PRKN: variants seen among roughly 807,000 people sequenced by gnomAD.
The protein encoded by PRKN is E3 ubiquitin-protein ligase parkin.
Under a neutral mutation model 59.5 loss-of-function variants are expected in PRKN, and 56 were observed. That is an observed-to-expected ratio of 0.94 (90% CI 0.76 to 1.18). The LOEUF is 1.18. PRKN is among the 50% of genes most tolerant of loss of function. The pLI is 0.00. For synonymous variants in PRKN, 250 were observed against 222.1 expected (o/e 1.13, Z -1.12); for missense variants, 657 against 596.4 (o/e 1.10, Z -1.06).
chr6:162,352,490 A>G (rs1784664872), intron 2 of PRKN, among the ~76,000 whole-genome samples: 1 of 152,160 alleles, frequency 6.6e-6, no homozygotes, highest in South Asian at 2.1e-4. Context: ...TACGTGGCAA[A>G]AAATCTGGTC....
rs551586712 is a variant in PRKN at position 162,073,605 on chromosome 6, C to A, written c.535-19431G>T. Among the ~76,000 whole-genome samples the A allele has an allele frequency of 1.1e-4, 17 of 152,290 alleles. No individual in the cohort carries two copies. The South Asian group carries it at 3.5e-3, about 32-fold the overall frequency. On this transcript the variant is annotated intron_variant, in intron 4 of 11. Transcript: ENST00000366898. ...TAGCTGGGACTCCAGACGTGCATCA[C>A]CACACCCGGTTAATTTTTATACTTT...
intron 7 of PRKN, among the ~76,000 whole-genome samples, chr6:161,571,237 A>G (rs370513892): frequency 6.6e-5 from 10 of 152,204 alleles, no homozygotes; most frequent in East Asian, 5.8e-4. Context: ...GAGCCACTGT[A>G]ACTGGCTTAT....
chr6:161,922,538 T>C (rs991433326), intron 6 of PRKN, among the ~76,000 whole-genome samples: 12 of 152,242 alleles, frequency 7.9e-5, no homozygotes, highest in African/African-American at 2.9e-4. Flanking sequence ...TAAGTAAATT[T>C]GCTTAATTAC....
intron 2 of PRKN, among the ~76,000 whole-genome samples, chr6:162,333,294 C>A (rs767705105): frequency 6.6e-6 from 1 of 151,016 alleles, no homozygotes; most frequent in Non-Finnish European, 1.5e-5. Flanking sequence ...TGCAGGCACA[C>A]CTCTTGTCAT....
At chr6:162,717,413 C>T (rs927420347) in intron 1 of PRKN, among the ~76,000 whole-genome samples, 2 of 151,538 alleles carry the variant, frequency 1.3e-5, no homozygotes, top group African/African-American at 2.4e-5. Flanking sequence ...CCTGTCTCTA[C>T]AAAAAATAAA....
rs1335581113 is a variant in PRKN at position 161,386,295 on chromosome 6, A to G, written c.1167+499T>C. 6.6e-6 allele frequency among the ~76,000 whole-genome samples: 1 copy of G among 152,218 alleles called. No individual in the cohort carries two copies. The highest frequency in any genetic ancestry group is 1.5e-5 in the Non-Finnish European group (1 of 68,044). On this transcript the variant is annotated intron_variant, in intron 10 of 11. Coordinates refer to ENST00000366898, the MANE Select transcript of PRKN (RefSeq NM_004562.3). The surrounding 1 kb of genome is among the most constrained non-coding windows in gnomAD (Gnocchi z 4.3). ...CACCTTAGAGAGTGAGGCTCGGCCA[A>G]CACATTCTTTACTTAATGAGGACTG... is the stretch of plus-strand genomic sequence containing the variant.
chr6:162,510,858 G>T (rs898777412), intron 1 of PRKN, among the ~76,000 whole-genome samples: 1 of 152,060 alleles, frequency 6.6e-6, no homozygotes, highest in Non-Finnish European at 1.5e-5. Context: ...AGAAAGCAGA[G>T]GTTGCGGTGA....
rs367874731 is a variant in PRKN, at chr6:162,650,363, C to T, written c.7+77299G>A. Reference sequence around the variant, plus strand: ...CTGTAATCCCAGCACTTTGGGAGGCCGAGGCGGGCGGATCACGAGGTCAGG... The same window carrying T: ...CTGTAATCCCAGCACTTTGGGAGGCTGAGGCGGGCGGATCACGAGGTCAGG... On this transcript the variant is annotated intron_variant, in intron 1 of 11. Coordinates refer to ENST00000366898, the MANE Select transcript of PRKN (RefSeq NM_004562.3). Among the ~76,000 whole-genome samples the T allele has an allele frequency of 6.7e-4, 102 of 151,868 alleles. No individual in the cohort carries two copies. The East Asian group carries it at 9.8e-3, about 15-fold the overall frequency.
intron 7 of PRKN, among the ~76,000 whole-genome samples, chr6:161,760,410 CT>C (rs1459773278): frequency 2.6e-5 from 4 of 151,192 alleles, no homozygotes; most frequent in Non-Finnish European, 4.4e-5. Flanking sequence ...GGAAAAGACC[CT>C]TTTTTTCAAG....
In PRKN at chr6:161,487,813, T is replaced by C. The variant is rs559532788; in HGVS notation, c.1083+61041A>G. ...GAAGTCTGGCACTAGGAATTTCCCA[T>C]TAATGTTCAGTGAATGAATGAATGG... On this transcript the variant is annotated intron_variant, in intron 9 of 11. Coordinates refer to ENST00000366898, the MANE Select transcript of PRKN (RefSeq NM_004562.3). The surrounding 1 kb of genome is among the most constrained non-coding windows in gnomAD (Gnocchi z 5.3). 1.1e-4 allele frequency among the ~76,000 whole-genome samples: 17 copies of C among 152,260 alleles called. No homozygotes were observed. The South Asian group carries it at 2.7e-3, about 24-fold the overall frequency.
At chr6:162,082,318 G>A (rs1251186310) in intron 4 of PRKN, among the ~76,000 whole-genome samples, 3 of 152,010 alleles carry the variant, frequency 2.0e-5, no homozygotes, top group Admixed American at 6.6e-5. Context: ...CCCCAGCCAC[G>A]TGGAACTGTA....
rs1205157875 is a variant in PRKN, at chr6:161,497,412, A to G, written c.1083+51442T>C. On this transcript the variant is annotated intron_variant, in intron 9 of 11. Transcript: ENST00000366898. The surrounding 1 kb of genome is among the most constrained non-coding windows in gnomAD (Gnocchi z 4.6). ...AAAGGTTATCCTTTAAAGAAAAAAA[A>G]GTTCTTGCTCCTCTGTCTTGAACTG... is the stretch of plus-strand genomic sequence containing the variant. 6.6e-6 allele frequency among the ~76,000 whole-genome samples: 1 copy of G among 152,210 alleles called. No homozygotes were observed.
In PRKN at chr6:162,083,844, A is replaced by G. The variant is rs564631922; in HGVS notation, c.535-29670T>C. 2.0e-5 allele frequency among the ~76,000 whole-genome samples: 3 copies of G among 152,234 alleles called. No homozygotes were observed. In the South Asian group the frequency reaches 6.2e-4, roughly 32 times the overall value. ...CTGACACTCAACTAAAAATACCTGC[A>G]GACAGATATCTGTAACCCATATATG... On this transcript the variant is annotated intron_variant, in intron 4 of 11. Coordinates refer to ENST00000366898, the MANE Select transcript of PRKN (RefSeq NM_004562.3).
intron 2 of PRKN, among the ~76,000 whole-genome samples, chr6:162,329,428 G>A (rs1290897217): frequency 1.3e-5 from 2 of 152,212 alleles, no homozygotes; most frequent in Middle Eastern, 3.4e-3. Context: ...AAGGAGAGAT[G>A]TCAAAAATGT....
At position 162,161,078 on chromosome 6, in the gene PRKN, C is replaced by T. The variant is rs533024398; in HGVS notation, c.534+40053G>A. Among the ~76,000 whole-genome samples the T allele has an allele frequency of 7.2e-5, 11 of 152,280 alleles. No individual in the cohort carries two copies. The South Asian group carries it at 2.3e-3, about 32-fold the overall frequency. On this transcript the variant is annotated intron_variant, in intron 4 of 11. Coordinates refer to ENST00000366898, the MANE Select transcript of PRKN (RefSeq NM_004562.3). ...GCATTCTAATTTGAGAGTAGATACA[C>T]TACTCCAACCCTTAGGGTCTTTCTT...
At chr6:162,557,757 G>A (rs1347453111) in intron 1 of PRKN, among the ~76,000 whole-genome samples, 1 of 152,170 alleles carries the variant, frequency 6.6e-6, no homozygotes, top group Non-Finnish European at 1.5e-5. Context: ...TGATCCACCT[G>A]CCTCGGCCTC....
At chr6:162,133,457 G>C (rs1346720708) in intron 4 of PRKN, among the ~76,000 whole-genome samples, 3 of 152,126 alleles carry the variant, frequency 2.0e-5, no homozygotes, top group Admixed American at 2.0e-4. Context: ...AGGTTTGGCA[G>C]GAAGTATTTA....
Position 161,593,237 on chromosome 6 carries a change from C to T in PRKN, c.872-23821G>A, listed in dbSNP as rs1030103535. On this transcript the variant is annotated intron_variant, in intron 7 of 11. Transcript: ENST00000366898. The surrounding 1 kb of genome is among the most constrained non-coding windows in gnomAD (Gnocchi z 4.8). The stretch of plus-strand genomic sequence containing the variant: ...GTCAACTGCATCCCAGGAGCTGTTC[C>T]GAGTGCTTCGCATGGATCACCTCCT... Among the ~76,000 whole-genome samples, 34 of 152,152 alleles carry T rather than the reference C, an allele frequency of 2.2e-4. No individual in the cohort carries two copies. The highest frequency in any genetic ancestry group is 8.0e-4 in the African/African-American group (33 of 41,440).
intron 5 of PRKN, among the ~76,000 whole-genome samples, chr6:161,987,662 T>C (rs889223350): frequency 1.3e-5 from 2 of 152,194 alleles, no homozygotes; most frequent in African/African-American, 2.4e-5. Flanking sequence ...TTTTTGAATA[T>C]TTTCAGCCGA....
Sources: gnomAD v4.1 joint callset for allele counts (sites outside exome capture counted in the v4.1 genomes callset) on GRCh38, gnomAD v4.1.1 for gene constraint, Gnocchi (gnomAD v3.1) non-coding constraint, MANE v1.5 for transcripts, NCBI Gene and HGNC (gene_info 2026-07-23, HGNC 2026-07-21) for gene names.